OSCP1: variants seen among roughly 807,000 people sequenced by gnomAD.
OSCP1 encodes protein OSCP1.
In OSCP1, 35 loss-of-function variants were observed where a neutral mutation model predicts 45.1. The ratio of observed to expected loss-of-function variants is 0.78; its 90% CI spans 0.59 to 1.03. The LOEUF (loss-of-function observed/expected upper bound fraction) is 1.03. Ranked by LOEUF, OSCP1 falls within the 50% of genes least tolerant of loss-of-function variation. The pLI is 0.00. For missense variants in OSCP1, 400 were observed against 470.7 expected (o/e 0.85, Z 1.39); for synonymous variants, 179 against 180.1 (o/e 0.99, Z 0.05).
At chr1:36,440,819 G>A (rs1027428869) in intron 1 of OSCP1, 2 of 152,186 alleles carry the variant, frequency 1.3e-5, no homozygotes, top group Non-Finnish European at 2.9e-5. Context: ...ACAGACTTAC[G>A]TAAGCCAGGG....
intron 2 of OSCP1, among the ~76,000 whole-genome samples, chr1:36,437,380 T>C (rs543826855): frequency 1.3e-5 from 2 of 152,168 alleles, no homozygotes; most frequent in African/African-American, 2.4e-5. Context: ...GAAATAGATA[T>C]GTTCACATTA....
chr1:36,444,906 C>T (rs1649423766), intron 1 of OSCP1, among the ~76,000 whole-genome samples: 1 of 152,172 alleles, frequency 6.6e-6, no homozygotes, highest in Non-Finnish European at 1.5e-5. Context: ...TAGCTGGCTT[C>T]CCTTTGAGTT....
At chr1:36,439,772 A>G (rs1426502213) in intron 1 of OSCP1, among the ~76,000 whole-genome samples, 2 of 152,230 alleles carry the variant, frequency 1.3e-5, no homozygotes, top group Non-Finnish European at 2.9e-5. Context: ...GTGTAGTGCT[A>G]TATCTCACAC....
intron 4 of OSCP1, among the ~76,000 whole-genome samples, chr1:36,425,472 C>T (rs1355475344): frequency 2.6e-5 from 4 of 152,104 alleles, no homozygotes; most frequent in South Asian, 2.1e-4. Context: ...CAGTGGCTCA[C>T]GCCAGTAATC....
intron 1 of OSCP1, among the ~76,000 whole-genome samples, chr1:36,449,131 G>C (rs529315532): frequency 1.3e-5 from 2 of 152,332 alleles, no homozygotes; most frequent in Non-Finnish European, 2.9e-5. Flanking sequence ...GATTAATGGA[G>C]AGAATGTTTT....
In OSCP1 at chr1:36,432,648, C is replaced by T. The variant is rs12563008; in HGVS notation, c.268-59G>A. The T allele has an allele frequency of 6.9e-6, 11 of 1,600,650 alleles. No individual in the cohort carries two copies. In the African/African-American group the frequency reaches 1.2e-4, roughly 18 times the overall value. On this transcript the variant is annotated intron_variant, in intron 2 of 9. Transcript: ENST00000235532. The stretch of plus-strand genomic sequence containing the variant: ...TCATATCAAAATCAGGTGTGAGAAT[C>T]TCCAAACAGTGATTCAGTCAAGCAT...
intron 1 of OSCP1, among the ~76,000 whole-genome samples, chr1:36,441,565 T>C (rs368577952): frequency 6.6e-6 from 1 of 151,048 alleles, no homozygotes; most frequent in South Asian, 2.1e-4. Context: ...TGGCTAACGC[T>C]GTGAAACCCC....
At chr1:36,437,161 T>C (rs181051720) in intron 2 of OSCP1, among the ~76,000 whole-genome samples, 27 of 152,202 alleles carry the variant, frequency 1.8e-4, no homozygotes, top group African/African-American at 6.5e-4. Flanking sequence ...AGCCCCCACC[T>C]AAGGAGGGGG....
At chr1:36,422,674 T>C in intron 6 of OSCP1, 94 bp downstream of exon 6, 1 of 1,281,810 alleles carries the variant, frequency 7.8e-7, no homozygotes, top group Non-Finnish European at 1.0e-6. Context: ...CGGCAGGGAT[T>C]TTCATAGCAG....
chr1:36,418,285 T>A, intron 9 of OSCP1, 30 bp from the exon 10 acceptor site: 1 of 1,607,702 alleles, frequency 6.2e-7, no homozygotes, highest in Non-Finnish European at 8.5e-7. Context: ...TAAAAGGGCA[T>A]GAAGAGGCTG....
rs998267591 is a variant in OSCP1, at chr1:36,431,724, G to A, written c.516+78C>T. The A allele has an allele frequency of 4.3e-6, 6 of 1,401,878 alleles. No individual in the cohort carries two copies. In the African/African-American group the frequency reaches 8.5e-5, roughly 20 times the overall value. The allele number at this position is 1,401,878 out of a possible 1,614,324, so 86.8% of individuals were successfully genotyped here. A position where few individuals can be genotyped will look rare whatever the true frequency, so the allele number is the denominator to read the frequency against. ...CTAACTGGGCAAAATCTCCGTCCTT[G>A]TTTGCCCTCATGACTACCAGGGTTG... On this transcript the variant is annotated intron_variant, in intron 4 of 9. Transcript: ENST00000235532.
intron 2 of OSCP1, among the ~76,000 whole-genome samples, chr1:36,433,159 C>T (rs1482894394): frequency 6.6e-6 from 1 of 152,182 alleles, no homozygotes; most frequent in African/African-American, 2.4e-5. Flanking sequence ...AACAAGCCAT[C>T]TCCACATAGG....
At chr1:36,426,564 C>T (rs1051402040) in intron 4 of OSCP1, among the ~76,000 whole-genome samples, 1 of 152,178 alleles carries the variant, frequency 6.6e-6, no homozygotes, top group Non-Finnish European at 1.5e-5. Flanking sequence ...CCATCTTTGT[C>T]TCTTCCTCAA....
intron 4 of OSCP1, among the ~76,000 whole-genome samples, chr1:36,426,999 C>T (rs1255248179): frequency 1.3e-5 from 2 of 149,348 alleles, no homozygotes; most frequent in African/African-American, 5.0e-5. Flanking sequence ...TGCCATGGTG[C>T]CTGGCCTCTT....
chr1:36,420,740 T>G, intron 7 of OSCP1, 125 bp from the exon 8 acceptor site: 1 of 1,329,908 alleles, frequency 7.5e-7, no homozygotes, highest in Non-Finnish European at 1.0e-6. Context: ...TATTTCTGGG[T>G]CCAAATAAAG....
chr1:36,439,877 A>C (rs1649015985), intron 1 of OSCP1, among the ~76,000 whole-genome samples: 1 of 152,254 alleles, frequency 6.6e-6, no homozygotes, highest in Non-Finnish European at 1.5e-5. Context: ...GATATTTTGC[A>C]CTACTGAAAT....
rs200847053 is a variant in OSCP1 at position 36,431,767 on chromosome 1, C to T, written c.516+35G>A. 6 of 1,602,240 alleles carry T rather than the reference C, an allele frequency of 3.7e-6. No individual in the cohort carries two copies. In the Admixed American group the frequency reaches 5.0e-5, roughly 13 times the overall value. On this transcript the variant is annotated intron_variant, in intron 4 of 9. Transcript: ENST00000235532. ...CAGGGTTGTTTCCCTGGTACAGCAG[C>T]TCCTGAGTGTTCCCAGGGCTGCCTA...
At chr1:36,432,109 C>T (rs1353140405) in intron 3 of OSCP1, among the ~76,000 whole-genome samples, 1 of 152,136 alleles carries the variant, frequency 6.6e-6, no homozygotes, top group African/African-American at 2.4e-5. Flanking sequence ...CCATTCTCCA[C>T]AGACCTGGAG....
intron 4 of OSCP1, among the ~76,000 whole-genome samples, chr1:36,429,480 G>C (rs1300861230): frequency 1.3e-5 from 2 of 149,182 alleles, no homozygotes; most frequent in Non-Finnish European, 3.0e-5. Context: ...GTTAAATTGT[G>C]GCAGGAAACA....
Sources: allele counts gnomAD v4.1 joint callset (sites outside exome capture counted in the v4.1 genomes callset), GRCh38; gene constraint gnomAD v4.1.1; transcripts MANE v1.5; gene names NCBI Gene and HGNC (gene_info 2026-07-23, HGNC 2026-07-21).